The following HHAT variants were observed in gnomAD, a reference collection of about 807,000 sequenced individuals.
The protein encoded by HHAT is hedgehog acyltransferase.
In HHAT, 47 loss-of-function variants were observed where a neutral mutation model predicts 70.8. The ratio of observed to expected loss-of-function variants is 0.66; its 90% CI spans 0.53 to 0.85. HHAT has a LOEUF of 0.85. Ranked by LOEUF, HHAT falls within the 40% of genes least tolerant of loss-of-function variation. The pLI is 0.00. For missense variants in HHAT, 609 were observed against 604.8 expected, an observed-to-expected ratio of 1.01 and a Z score of -0.07; for synonymous variants, 228 against 247.6, an observed-to-expected ratio of 0.92 and a Z score of 0.74.
rs137957832 is a variant in HHAT, at chr1:210,427,930, C to G, written c.856+9605C>G. 1.1e-4 allele frequency among the ~76,000 whole-genome samples: 17 copies of G among 152,056 alleles called. No homozygotes were observed. In the East Asian group the frequency reaches 3.1e-3, roughly 28 times the overall value. On this transcript the variant is annotated intron_variant, in intron 7 of 11. Transcript: ENST00000261458. ...CCCCTTATTGTGGGGGAGTCTAAGT[C>G]TCTCTGAAAGTCTCTAAGAACTTGT... is the stretch of plus-strand genomic sequence containing the variant.
At chr1:210,442,395 T>A (rs375587460) in intron 7 of HHAT, among the ~76,000 whole-genome samples, 2 of 144,828 alleles carry the variant, frequency 1.4e-5, no homozygotes, top group East Asian at 2.0e-4. Flanking sequence ...CAAATGGTAT[T>A]TCCAGTTCTA....
chr1:210,661,628 A>G (rs1270491839), intron 11 of HHAT, among the ~76,000 whole-genome samples: 3 of 152,262 alleles, frequency 2.0e-5, no homozygotes, highest in Non-Finnish European at 4.4e-5. Flanking sequence ...ACTATTCACA[A>G]TAGCAAAAAC....
rs115971208 is a variant in HHAT, at chr1:210,428,492, G to A, written c.856+10167G>A. On this transcript the variant is annotated intron_variant, in intron 7 of 11. Transcript: ENST00000261458. ...TTGGCCAAGCTGGTATCCAATCTAG[G>A]ACTACACATTGGATCTAGTTGTTTT... Among the ~76,000 whole-genome samples, 515 of 150,946 alleles carry A rather than the reference G, an allele frequency of 3.4e-3. 11 individuals are homozygous for A. The highest frequency in any genetic ancestry group is 0.012 in the African/African-American group (481 of 40,650).
intron 7 of HHAT, among the ~76,000 whole-genome samples, chr1:210,442,103 T>G (rs1446018322): frequency 7.1e-6 from 1 of 140,390 alleles, no homozygotes; most frequent in East Asian, 2.1e-4. Context: ...ATGCAGTGTT[T>G]GGTTTTTTGT....
chr1:210,391,086 A>G (rs1284465103), intron 4 of HHAT, among the ~76,000 whole-genome samples: 1 of 152,206 alleles, frequency 6.6e-6, no homozygotes, highest in African/African-American at 2.4e-5. Context: ...ACTGTTTTCT[A>G]TAGTGGTTGT....
chr1:210,455,828 C>T (rs1305806132), intron 7 of HHAT, among the ~76,000 whole-genome samples: 1 of 152,164 alleles, frequency 6.6e-6, no homozygotes, highest in African/African-American at 2.4e-5. Context: ...CAGCCACTAT[C>T]CTGAATTTGG....
intron 7 of HHAT, among the ~76,000 whole-genome samples, chr1:210,462,166 AT>A (rs961418392): frequency 2.0e-5 from 3 of 152,110 alleles, no homozygotes; most frequent in Non-Finnish European, 2.9e-5. Context: ...GAAGCAACCC[AT>A]TTTTCCTGAT....
intron 9 of HHAT, among the ~76,000 whole-genome samples, chr1:210,532,385 A>G (rs2095324210): frequency 6.6e-6 from 1 of 152,148 alleles, no homozygotes; most frequent in African/African-American, 2.4e-5. Flanking sequence ...AACATTTTTC[A>G]CTTTCATCTG....
chr1:210,639,965 G>T (rs1264451842), intron 11 of HHAT, among the ~76,000 whole-genome samples: 6 of 152,210 alleles, frequency 3.9e-5, no homozygotes, highest in Non-Finnish European at 1.5e-5. Flanking sequence ...CACCCCTAGT[G>T]ACTCTTGATT....
Position 210,451,090 on chromosome 1 carries a change from A to G in HHAT, c.857-13415A>G, listed in dbSNP as rs952969768. On this transcript the variant is annotated intron_variant, in intron 7 of 11. Coordinates refer to ENST00000261458, the MANE Select transcript of HHAT (RefSeq NM_018194.6). ...CAACAGAGCGAGACTCCATCTCCAA[A>G]AAAAAAAAAAAAAAAAAAGTTGTTT... Among the ~76,000 whole-genome samples the G allele has an allele frequency of 4.9e-3, 697 of 141,004 alleles. 8 individuals carry two copies. Among genetic ancestry groups the G allele is most frequent in the Admixed American group, 6.8e-3 (99 of 14,478 alleles). 92.5% of individuals were successfully genotyped at this position (141,004 alleles called of 152,430 possible). A position where few individuals can be genotyped will look rare whatever the true frequency, so the allele number is the denominator to read the frequency against.
At chr1:210,608,134 G>A (rs1009791490) in intron 10 of HHAT, among the ~76,000 whole-genome samples, 1 of 152,120 alleles carries the variant, frequency 6.6e-6, no homozygotes, top group Non-Finnish European at 1.5e-5. Context: ...TAATGCATCT[G>A]CAGTGAAGAC....
chr1:210,654,288 A>G lies in HHAT; in HGVS notation c.1391-20000A>G, dbSNP rs569665623. ...GACCAATAGAATCAAGGCAGTCCCC[A>G]TTTCTACACGTCCTTAGCCCTGTCT... On this transcript the variant is annotated intron_variant, in intron 11 of 11. Coordinates refer to ENST00000261458, the MANE Select transcript of HHAT (RefSeq NM_018194.6). Among the ~76,000 whole-genome samples the G allele has an allele frequency of 5.7e-4, 76 of 133,476 alleles. 1 individual carries two copies. The highest frequency in any genetic ancestry group is 2.1e-3 in the African/African-American group (74 of 35,782). 87.6% of individuals were successfully genotyped at this position (133,476 alleles called of 152,430 possible). A position where few individuals can be genotyped will look rare whatever the true frequency, so the allele number is the denominator to read the frequency against.
chr1:210,582,678 C>T (rs760322483), intron 9 of HHAT, among the ~76,000 whole-genome samples: 1 of 152,200 alleles, frequency 6.6e-6, no homozygotes, highest in Non-Finnish European at 1.5e-5. Context: ...TGTACCTCTA[C>T]TCAGCATCAC....
At chr1:210,367,841 A>G (rs984714410) in intron 3 of HHAT, among the ~76,000 whole-genome samples, 5 of 151,980 alleles carry the variant, frequency 3.3e-5, no homozygotes, top group African/African-American at 4.8e-5. Context: ...CAGACTCCAT[A>G]TGCTTTGGTT....
At chr1:210,388,039 G>A (rs4336853) in intron 4 of HHAT, among the ~76,000 whole-genome samples, 118,940 of 152,204 alleles carry the variant, frequency 0.78, 47,092 homozygotes, top group African/African-American at 0.9. Context: ...TGGCTTAGAG[G>A]ATGAGAGATT....
intron 7 of HHAT, among the ~76,000 whole-genome samples, chr1:210,449,612 T>C (rs2093707337): frequency 6.6e-6 from 1 of 152,234 alleles, no homozygotes; most frequent in African/African-American, 2.4e-5. Flanking sequence ...CCTCTGCTCC[T>C]TCATGGCTGT....
chr1:210,347,103 T>C (rs1312946876), intron 1 of HHAT, among the ~76,000 whole-genome samples: 2 of 152,250 alleles, frequency 1.3e-5, no homozygotes, highest in Non-Finnish European at 2.9e-5. Context: ...ATCACCATGC[T>C]GTATAATAGA....
chr1:210,656,612 C>T (rs1676476133), intron 11 of HHAT, among the ~76,000 whole-genome samples: 1 of 152,206 alleles, frequency 6.6e-6, no homozygotes, highest in Non-Finnish European at 1.5e-5. Flanking sequence ...CCTCTCCGCT[C>T]ACCGTCAGCA....
rs1216285983 is a variant in HHAT at position 210,508,134 on chromosome 1, G to T, written c.1008-5019G>T. 2.1e-5 allele frequency among the ~76,000 whole-genome samples: 3 copies of T among 146,074 alleles called. No individual in the cohort carries two copies. In the East Asian group the frequency reaches 6.3e-4, roughly 31 times the overall value. ...GAATTGCTTGAACCTGGGAGGTGGA[G>T]GTTGCAGCGAGCCGAGATCATGCCA... On this transcript the variant is annotated intron_variant, in intron 8 of 11. Transcript: ENST00000261458.
Sources: allele counts gnomAD v4.1 joint callset (sites outside exome capture counted in the v4.1 genomes callset), GRCh38; gene constraint gnomAD v4.1.1; transcripts MANE v1.5; gene names NCBI Gene and HGNC (gene_info 2026-07-23, HGNC 2026-07-21).